The following OXR1 variants were observed in gnomAD, a reference collection of about 807,000 sequenced individuals.
OXR1 encodes the protein oxidation resistance 1.
A neutral mutation model predicts 104.6 loss-of-function variants in OXR1; 41 were observed. That is an observed-to-expected ratio of 0.39 (90% CI 0.31 to 0.51). The LOEUF (loss-of-function observed/expected upper bound fraction) is 0.51. Among genes scored for constraint, OXR1 ranks in the 20% least tolerant of loss-of-function variants. The pLI, the probability that OXR1 is intolerant of heterozygous loss-of-function variation, is 0.77. For missense variants in OXR1, 955 were observed against 1,031.9 expected, an observed-to-expected ratio of 0.93 and a Z score of 1.02; for synonymous variants, 348 against 348.4, an observed-to-expected ratio of 1.00 and a Z score of 0.01.
At chr8:106,713,719 T>C in intron 10 of OXR1, 104 bp from the exon 11 acceptor site, 1 of 606,628 alleles carries the variant, frequency 1.6e-6, no homozygotes. Context: ...ATATTTTGTG[T>C]ATATTTTAAG....
At chr8:106,588,395 G>T (rs1302483773) in intron 3 of OXR1, among the ~76,000 whole-genome samples, 1 of 152,012 alleles carries the variant, frequency 6.6e-6, no homozygotes, top group African/African-American at 2.4e-5. Flanking sequence ...GAGCACTGAA[G>T]CTCTTCTTTA....
At chr8:106,726,359 G>A in intron 11 of OXR1, 1 of 933,072 alleles carries the variant, frequency 1.1e-6, no homozygotes, top group Non-Finnish European at 1.5e-6. Flanking sequence ...GTCTTTTCAT[G>A]GTGACATTAT....
rs368709465 is a variant in OXR1 at position 106,531,003 on chromosome 8, C to T, written c.220+11864C>T. On this transcript the variant is annotated intron_variant, in intron 3 of 16. Transcript: ENST00000517566. ...TTATTTGTTAGTTTATTTTATGTTA[C>T]CATATATGTTTGAAAATAATAAAGT... Among the ~76,000 whole-genome samples the T allele has an allele frequency of 5.9e-5, 9 of 152,094 alleles. No individual in the cohort carries two copies. In the East Asian group the frequency reaches 1.7e-3, roughly 29 times the overall value.
chr8:106,484,667 A>T (rs1345109276), intron 2 of OXR1, among the ~76,000 whole-genome samples: 1 of 152,186 alleles, frequency 6.6e-6, no homozygotes, highest in East Asian at 1.9e-4. Context: ...CACTGACACT[A>T]CCAAATGCTG....
At chr8:106,735,427 T>A (rs1003172866) in intron 11 of OXR1, among the ~76,000 whole-genome samples, 3 of 152,152 alleles carry the variant, frequency 2.0e-5, no homozygotes, top group Admixed American at 6.5e-5. Context: ...GTTCTCTTAT[T>A]AGTAACTCCT....
chr8:106,301,820 CT>C (rs1434952537), intron 1 of OXR1, among the ~76,000 whole-genome samples: 1 of 151,572 alleles, frequency 6.6e-6, no homozygotes, highest in Non-Finnish European at 1.5e-5. Flanking sequence ...AATATCGAGC[CT>C]TTTTTTTCAG....
rs1813051475 is a variant in OXR1 at position 106,518,821 on chromosome 8, T to C, written c.24-122T>C. 12 of 589,884 alleles carry C rather than the reference T, an allele frequency of 2.0e-5. No individual in the cohort carries two copies. The South Asian group carries it at 3.9e-4, about 19-fold the overall frequency. The allele number at this position is 589,884 out of a possible 1,614,324, so 36.5% of individuals were successfully genotyped here. On this transcript the variant is annotated intron_variant, in intron 2 of 16. Coordinates refer to ENST00000517566, the MANE Select transcript of OXR1 (RefSeq NM_001198533.2). ...TACTGTAGGGAATGTCTATCATTTC[T>C]GAATAGATGTGGTTCTATCTCAAGG...
intron 1 of OXR1, among the ~76,000 whole-genome samples, chr8:106,299,365 T>C (rs1813136651): frequency 6.6e-6 from 1 of 152,094 alleles, no homozygotes; most frequent in South Asian, 2.1e-4. Context: ...TATAATCCTC[T>C]TGTAGAAAAT....
At chr8:106,500,803 A>G (rs1216012206) in intron 2 of OXR1, among the ~76,000 whole-genome samples, 2 of 152,252 alleles carry the variant, frequency 1.3e-5, no homozygotes, top group South Asian at 2.1e-4. Flanking sequence ...TGAATGTGCA[A>G]CAAAATTGCT....
At chr8:106,566,225 T>G (rs1233639741) in intron 3 of OXR1, among the ~76,000 whole-genome samples, 1 of 152,056 alleles carries the variant, frequency 6.6e-6, no homozygotes. Flanking sequence ...CATCTATCCA[T>G]CTGACAAAGG....
At chr8:106,316,231 C>T (rs570804934) in intron 1 of OXR1, among the ~76,000 whole-genome samples, 2 of 152,262 alleles carry the variant, frequency 1.3e-5, no homozygotes, top group South Asian at 4.1e-4. Context: ...TGAGGGTACA[C>T]TTCAAAAATA....
chr8:106,541,868 A>G (rs1449114907), intron 3 of OXR1, among the ~76,000 whole-genome samples: 1 of 152,214 alleles, frequency 6.6e-6, no homozygotes, highest in Non-Finnish European at 1.5e-5. Context: ...TAAGATACCA[A>G]CATTTTACCC....
At chr8:106,415,244 T>A (rs1174442590) in intron 2 of OXR1, among the ~76,000 whole-genome samples, 1 of 152,284 alleles carries the variant, frequency 6.6e-6, no homozygotes, top group East Asian at 1.9e-4. Context: ...ATGGCTTTTC[T>A]GCAGGCCTAA....
At chr8:106,636,160 T>G (rs1823114873) in intron 3 of OXR1, among the ~76,000 whole-genome samples, 1 of 152,222 alleles carries the variant, frequency 6.6e-6, no homozygotes, top group African/African-American at 2.4e-5. Flanking sequence ...TAGAGTCCTG[T>G]ACTAATCTCA....
intron 2 of OXR1, among the ~76,000 whole-genome samples, chr8:106,513,791 T>C (rs1198125366): frequency 6.6e-6 from 1 of 151,594 alleles, no homozygotes; most frequent in Non-Finnish European, 1.5e-5. Context: ...GATGCTGTGC[T>C]AGGCACTTTC....
At chr8:106,356,498 G>A (rs1168493243) in intron 1 of OXR1, among the ~76,000 whole-genome samples, 1 of 152,008 alleles carries the variant, frequency 6.6e-6, no homozygotes, top group African/African-American at 2.4e-5. Flanking sequence ...AAAGCAATGG[G>A]TTCATATGAC....
In OXR1 at chr8:106,542,068, A is replaced by G. The variant is rs202226396; in HGVS notation, c.220+22929A>G. 4.6e-5 allele frequency among the ~76,000 whole-genome samples: 7 copies of G among 152,318 alleles called. No individual in the cohort carries two copies. The East Asian group carries it at 1.2e-3, about 25-fold the overall frequency. The stretch of plus-strand genomic sequence containing the variant: ...GTAAGGACTTGAGTCTAGCTTCTGT[A>G]CAAAAGCTGTGCTCCATGTCACTGC... On this transcript the variant is annotated intron_variant, in intron 3 of 16. Coordinates refer to ENST00000517566, the MANE Select transcript of OXR1 (RefSeq NM_001198533.2).
chr8:106,611,108 G>T (rs1820779864), intron 3 of OXR1, among the ~76,000 whole-genome samples: 1 of 152,190 alleles, frequency 6.6e-6, no homozygotes, highest in South Asian at 2.1e-4. Context: ...GAAGAAACTT[G>T]TACAGGGTGC....
chr8:106,616,293 C>G (rs1821237517), intron 3 of OXR1, among the ~76,000 whole-genome samples: 1 of 144,582 alleles, frequency 6.9e-6, no homozygotes, highest in Admixed American at 7.1e-5. Flanking sequence ...GATCTCCTGA[C>G]CTCATGATCC....
Sources: allele counts gnomAD v4.1 joint callset (sites outside exome capture counted in the v4.1 genomes callset), GRCh38; gene constraint gnomAD v4.1.1; transcripts MANE v1.5; gene names NCBI Gene and HGNC (gene_info 2026-07-23, HGNC 2026-07-21).